The following ADGRL4 variants were observed in gnomAD, a reference collection of about 807,000 sequenced individuals.
ADGRL4 encodes adhesion G protein-coupled receptor L4, also known as EGF, latrophilin and seven transmembrane domain containing 1.
ADGRL4 carries 90 observed loss-of-function variants against 74.8 expected under a neutral mutation model. That is an observed-to-expected ratio of 1.20 (90% CI 1.02 to 1.43). The LOEUF is 1.43. Ranked by LOEUF, ADGRL4 falls within the 40% of genes most tolerant of loss-of-function variation. ADGRL4 has a pLI of 0.00. For synonymous variants in ADGRL4, 311 were observed against 279.2 expected (o/e 1.11, Z -1.14); for missense variants, 881 against 814.3 (o/e 1.08, Z -1.00).
At chr1:78,931,677 A>G (rs972251872) in intron 7 of ADGRL4, among the ~76,000 whole-genome samples, 1 of 151,318 alleles carries the variant, frequency 6.6e-6, no homozygotes, top group African/African-American at 2.5e-5. Context: ...TGCTATGTTC[A>G]GGAGACCCAT....
intron 3 of ADGRL4, among the ~76,000 whole-genome samples, chr1:78,945,978 G>C (rs1196075752): frequency 2.0e-5 from 3 of 151,682 alleles, no homozygotes; most frequent in Non-Finnish European, 4.4e-5. Context: ...TTATTCTGTT[G>C]TTTGCCACTA....
chr1:78,943,199 C>A (rs538929215), intron 3 of ADGRL4, among the ~76,000 whole-genome samples: 1 of 152,166 alleles, frequency 6.6e-6, no homozygotes, highest in East Asian at 1.9e-4. Context: ...CAATTATCAT[C>A]GAGTGCTCCA....
intron 10 of ADGRL4, among the ~76,000 whole-genome samples, chr1:78,919,628 T>G (rs1205078929): frequency 6.6e-6 from 1 of 151,866 alleles, no homozygotes; most frequent in Non-Finnish European, 1.5e-5. Context: ...TCCCCAGCAA[T>G]TCTCTTAATA....
intron 2 of ADGRL4, among the ~76,000 whole-genome samples, chr1:78,985,764 G>A (rs1650481307): frequency 6.6e-6 from 1 of 151,722 alleles, no homozygotes; most frequent in Admixed American, 6.6e-5. Context: ...GTGAAGACAT[G>A]GAATTAACCT....
rs1329664172 is a variant in ADGRL4, at chr1:78,889,837, T to TA, written c.*1316dup. On this transcript the variant is annotated 3_prime_UTR_variant, in exon 15 of 15. Transcript: ENST00000370742. ...ATTTCAACAGCTGGAGGAATTAATT[T>TA]AAAATCACAAATTTAGTGTATTGGC... 4 of 465,096 alleles carry TA rather than the reference T, an allele frequency of 8.6e-6. No individual in the cohort carries two copies. The highest frequency in any genetic ancestry group is 7.1e-5 in the East Asian group (1 of 14,118). 28.8% of individuals were successfully genotyped at this position (465,096 alleles called of 1,614,324 possible).
intron 12 of ADGRL4, among the ~76,000 whole-genome samples, chr1:78,898,054 G>A (rs1648434170): frequency 1.3e-5 from 2 of 152,018 alleles, no homozygotes; most frequent in Non-Finnish European, 2.9e-5. Flanking sequence ...TATCTTTGGG[G>A]AATTTTATGA....
In ADGRL4 at chr1:78,903,056, G is replaced by A. The variant is rs112336547; in HGVS notation, c.1750-9867C>T. Among the ~76,000 whole-genome samples the A allele has an allele frequency of 1.3e-4, 20 of 152,102 alleles. 1 individual carries two copies. Among genetic ancestry groups the A allele is most frequent in the African/African-American group, 4.6e-4 (19 of 41,504 alleles). On this transcript the variant is annotated intron_variant, in intron 12 of 14. Transcript: ENST00000370742. ...CGAATTCCAGCTGATATTTTCCCAC[G>A]GAAAAATTAAACTTTAATACTTAAA...
chr1:78,927,768 C>A (rs1649149887), intron 7 of ADGRL4, among the ~76,000 whole-genome samples: 1 of 152,046 alleles, frequency 6.6e-6, no homozygotes, highest in African/African-American at 2.4e-5. Flanking sequence ...AACTGGAAAC[C>A]TCCACATCAC....
At chr1:78,921,173 T>A (rs1021636939) in intron 9 of ADGRL4, among the ~76,000 whole-genome samples, 1 of 151,602 alleles carries the variant, frequency 6.6e-6, no homozygotes, top group Non-Finnish European at 1.5e-5. Flanking sequence ...TCTTGTGGCG[T>A]TCTACATTGC....
intron 2 of ADGRL4, among the ~76,000 whole-genome samples, chr1:78,989,446 T>C (rs1650560089): frequency 6.6e-6 from 1 of 151,764 alleles, no homozygotes; most frequent in Non-Finnish European, 1.5e-5. Context: ...CTTACTTTCT[T>C]ACTTTAATAA....
chr1:78,927,589 T>C (rs774521910), intron 7 of ADGRL4, among the ~76,000 whole-genome samples: 5 of 152,116 alleles, frequency 3.3e-5, no homozygotes, highest in Non-Finnish European at 5.9e-5. Flanking sequence ...TTAATATTGA[T>C]AACATGTAAT....
chr1:78,976,070 T>G (rs1049654246), intron 2 of ADGRL4, among the ~76,000 whole-genome samples: 9 of 151,966 alleles, frequency 5.9e-5, no homozygotes, highest in Admixed American at 2.6e-4. Context: ...AGGCTATGAC[T>G]TAGATAGAGA....
intron 3 of ADGRL4, among the ~76,000 whole-genome samples, chr1:78,946,020 C>T (rs899096537): frequency 6.6e-6 from 1 of 152,030 alleles, no homozygotes; most frequent in Non-Finnish European, 1.5e-5. Flanking sequence ...GAACATTTCT[C>T]TCACTTTCTT....
chr1:78,994,503 AT>A (rs1419153927), intron 2 of ADGRL4, among the ~76,000 whole-genome samples: 1 of 152,206 alleles, frequency 6.6e-6, no homozygotes, highest in Non-Finnish European at 1.5e-5. Flanking sequence ...AGAACTAGCC[AT>A]TCTCCTCAAA....
At chr1:78,909,618 C>T (rs1307418989) in intron 12 of ADGRL4, among the ~76,000 whole-genome samples, 1 of 151,756 alleles carries the variant, frequency 6.6e-6, no homozygotes, top group Admixed American at 6.6e-5. Flanking sequence ...CCAATCGAAC[C>T]ATTTATTTTT....
intron 2 of ADGRL4, among the ~76,000 whole-genome samples, chr1:79,002,460 G>A (rs751172559): frequency 6.6e-6 from 1 of 152,052 alleles, no homozygotes; most frequent in African/African-American, 2.4e-5. Flanking sequence ...ATATATCAGA[G>A]GGCATATTTG....
At chr1:78,894,217 A>C (rs1015565503) in intron 12 of ADGRL4, among the ~76,000 whole-genome samples, 1 of 151,894 alleles carries the variant, frequency 6.6e-6, no homozygotes, top group African/African-American at 2.4e-5. Context: ...AGTTTTATGT[A>C]GCCTCTCAAA....
At chr1:78,996,784 A>G (rs1229520100) in intron 2 of ADGRL4, among the ~76,000 whole-genome samples, 1 of 152,136 alleles carries the variant, frequency 6.6e-6, no homozygotes, top group Non-Finnish European at 1.5e-5. Context: ...GTTGTACATT[A>G]TCTCATCAAT....
intron 2 of ADGRL4, among the ~76,000 whole-genome samples, chr1:79,000,862 C>T (rs1650825821): frequency 6.6e-6 from 1 of 152,090 alleles, no homozygotes; most frequent in Admixed American, 6.6e-5. Context: ...AAATTTGATA[C>T]ATGACTCTCC....
Sources: gnomAD v4.1 joint callset for allele counts (sites outside exome capture counted in the v4.1 genomes callset) on GRCh38, gnomAD v4.1.1 for gene constraint, MANE v1.5 for transcripts, NCBI Gene and HGNC (gene_info 2026-07-23, HGNC 2026-07-21) for gene names.